Variants in SGSM2 observed in about 807,000 individuals in gnomAD.
The protein encoded by SGSM2 is RUN and TBC1 domain containing 1.
SGSM2 carries 89 observed loss-of-function variants against 126.6 expected under a neutral mutation model. That is an observed-to-expected ratio of 0.70 (90% CI 0.59 to 0.84). The LOEUF is 0.84. SGSM2 is among the 40% of genes least tolerant of loss of function. The pLI is 0.00. For synonymous variants in SGSM2, 614 were observed against 574.3 expected, an observed-to-expected ratio of 1.07 and a Z score of -0.99; for missense variants, 1,404 against 1,416.6, an observed-to-expected ratio of 0.99 and a Z score of 0.14.
chr17:2,369,156 G>C (rs550908630), intron 12 of SGSM2, among the ~76,000 whole-genome samples: 2 of 152,168 alleles, frequency 1.3e-5, no homozygotes, highest in African/African-American at 4.8e-5. Flanking sequence ...GCTGGGGAAT[G>C]GGGGCCCCCC....
rs141888875 is a variant in SGSM2, at chr17:2,337,995, G to T, written c.57+250G>T. Among the ~76,000 whole-genome samples the T allele has an allele frequency of 6.6e-6, 1 of 152,048 alleles. No individual in the cohort carries two copies. Among genetic ancestry groups the T allele is most frequent in the African/African-American group, 2.4e-5 (1 of 41,430 alleles). ...GCCCCGCAGCTCCCCGCCCAGTGAC[G>T]GCAGCGGCGCTGGGAGCCCAAGGCC... On this transcript the variant is annotated intron_variant, in intron 1 of 23. Transcript: ENST00000268989. The surrounding 1 kb of genome is among the most constrained non-coding windows in gnomAD (Gnocchi z 5.1).
chr17:2,362,810 G>A lies in SGSM2; in HGVS notation c.459-28G>A, dbSNP rs778236688. 2.5e-5 allele frequency: 40 copies of A among 1,612,770 alleles called. No homozygotes were observed. Among genetic ancestry groups the A allele is most frequent in the African/African-American group, 4.0e-5 (3 of 74,924 alleles). On this transcript the variant is annotated intron_variant, in intron 4 of 23. Transcript: ENST00000268989. This position sits in a 1 kb window ranked among gnomAD's most constrained non-coding sequence, Gnocchi z 4.9. Reference sequence around the variant, plus strand: ...GCCCTGGAATGAGCCCCGGAGCCTCGGCAGTCACACTGTCTGTCTCCTGGC... The same window carrying A: ...GCCCTGGAATGAGCCCCGGAGCCTCAGCAGTCACACTGTCTGTCTCCTGGC...
In SGSM2 at chr17:2,372,203, C is replaced by T; in HGVS notation, c.1591C>T (p.Leu531=). 1 of 1,613,326 alleles carries T rather than the reference C, an allele frequency of 6.2e-7. No homozygotes were observed. Among genetic ancestry groups the T allele is most frequent in the South Asian group, 1.1e-5 (1 of 91,086 alleles). ...SCIPDRLPLR[L]LCESMKRQIV... ...TTGTTGCCACAGGTTGCCGCTCAGG[C>T]TACTGTGTGAGAGTATGAAGAGGCA... The change falls in exon 14 of 24, where the codon CTA becomes TTA. Residue 531 remains leucine, a synonymous_variant. Transcript: ENST00000268989. The surrounding 1 kb of genome is among the most constrained non-coding windows in gnomAD (Gnocchi z 6.0).
rs557140534 is a variant in SGSM2 at position 2,359,453 on chromosome 17, A to G, written c.134-2184A>G. Among the ~76,000 whole-genome samples the G allele has an allele frequency of 3.9e-5, 6 of 152,130 alleles. No homozygotes were observed. In the South Asian group the frequency reaches 1.2e-3, roughly 32 times the overall value. On this transcript the variant is annotated intron_variant, in intron 2 of 23. Coordinates refer to ENST00000268989, the MANE Select transcript of SGSM2 (RefSeq NM_014853.3). Reference sequence around the variant, plus strand: ...TTAGCTTGGAAAGTCGATGCATGAGAGGGATTTCTCCTTCCCCAGACACTG... The same window carrying G: ...TTAGCTTGGAAAGTCGATGCATGAGGGGGATTTCTCCTTCCCCAGACACTG...
In SGSM2 at chr17:2,372,659, A is replaced by G; in HGVS notation, c.1788+171A>G. The G allele has an allele frequency of 2.0e-6, 2 of 1,003,784 alleles. No individual in the cohort carries two copies. Among genetic ancestry groups the G allele is most frequent in the Admixed American group, 2.8e-5 (1 of 35,952 alleles). 62.2% of individuals were successfully genotyped at this position (1,003,784 alleles called of 1,614,324 possible). ...CAGCTGGGCCTGGGGCTGACACGGGAAGGGGGCTGGACTGGGAAGCCGTCC... is the reference window on the plus strand; with the variant it reads ...CAGCTGGGCCTGGGGCTGACACGGGGAGGGGGCTGGACTGGGAAGCCGTCC... On this transcript the variant is annotated intron_variant, in intron 15 of 23. Coordinates refer to ENST00000268989, the MANE Select transcript of SGSM2 (RefSeq NM_014853.3). The surrounding 1 kb of genome is among the most constrained non-coding windows in gnomAD (Gnocchi z 6.0).
At position 2,367,529 on chromosome 17, in the gene SGSM2, CCCTT is replaced by C. The variant is rs1408990142; in HGVS notation, c.1423+127_1423+130del. ...TAGGGGACTTGCACCCAGGGCAGTTCCCTTCCATCGGGGGCAGATCAGGGAGGGC... is the reference window on the plus strand; with the variant it reads ...TAGGGGACTTGCACCCAGGGCAGTTCCCATCGGGGGCAGATCAGGGAGGGC... On this transcript the variant is annotated intron_variant, in intron 12 of 23. Transcript: ENST00000268989. The surrounding 1 kb of genome is among the most constrained non-coding windows in gnomAD (Gnocchi z 4.0). 19 of 1,121,142 alleles carry C rather than the reference CCCTT, an allele frequency of 1.7e-5. No individual in the cohort carries two copies. Among genetic ancestry groups the C allele is most frequent in the Middle Eastern group, 3.0e-4 (1 of 3,330 alleles). The allele number at this position is 1,121,142 out of a possible 1,614,324, so 69.4% of individuals were successfully genotyped here. A position where few individuals can be genotyped will look rare whatever the true frequency, so the allele number is the denominator to read the frequency against.
At chr17:2,341,425 A>G (rs2064364372) in intron 1 of SGSM2, among the ~76,000 whole-genome samples, 1 of 152,104 alleles carries the variant, frequency 6.6e-6, no homozygotes, top group African/African-American at 2.4e-5. Flanking sequence ...GCATTAATTG[A>G]TCTGATCCCC....
In SGSM2 at chr17:2,372,108, A is replaced by T. The variant is rs551584516; in HGVS notation, c.1578-82A>T. On this transcript the variant is annotated intron_variant, in intron 13 of 23. Coordinates refer to ENST00000268989, the MANE Select transcript of SGSM2 (RefSeq NM_014853.3). The surrounding 1 kb of genome is among the most constrained non-coding windows in gnomAD (Gnocchi z 6.0). ...CTCCCCAGTGCCTTACCTGCCCCCC[A>T]GGACAGAGCCTCCTCCCTTCTCTCT... 8.0e-5 allele frequency: 123 copies of T among 1,539,912 alleles called. 2 individuals are homozygous for T. In the East Asian group the frequency reaches 2.7e-3, roughly 33 times the overall value.
chr17:2,361,178 C>T (rs376132650), intron 2 of SGSM2, among the ~76,000 whole-genome samples: 14 of 152,360 alleles, frequency 9.2e-5, no homozygotes, highest in South Asian at 8.3e-4. Context: ...CGGCCACTGT[C>T]GGGTCCAAGC....
intron 2 of SGSM2, among the ~76,000 whole-genome samples, chr17:2,351,839 AGTCCAGTT>A (rs2064867520): frequency 6.6e-6 from 1 of 152,122 alleles, no homozygotes; most frequent in Non-Finnish European, 1.5e-5. Context: ...TCCCAATCAG[AGTCCAGTT>A]GCGAATGTTG....
Position 2,380,741 on chromosome 17 carries a change from T to A in SGSM2, c.*1221T>A. ...GGCCCTGCCCGGGGCTGGGGCCTAG[T>A]CCAGCAGCCACCAAAGTCTGGCAGA... On this transcript the variant is annotated 3_prime_UTR_variant, in exon 24 of 24. Coordinates refer to ENST00000268989, the MANE Select transcript of SGSM2 (RefSeq NM_014853.3). The A allele has an allele frequency of 4.8e-6, 1 of 208,648 alleles. No homozygotes were observed. Among genetic ancestry groups the A allele is most frequent in the Non-Finnish European group, 9.7e-6 (1 of 103,256 alleles). The allele number at this position is 208,648 out of a possible 1,614,324, so 12.9% of individuals were successfully genotyped here.
intron 2 of SGSM2, among the ~76,000 whole-genome samples, chr17:2,345,794 C>A (rs1364225505): frequency 6.6e-6 from 1 of 152,044 alleles, no homozygotes; most frequent in African/African-American, 2.4e-5. Context: ...GCCAGGGTAT[C>A]TCAGGGCCTA....
chr17:2,354,429 C>G (rs907555788), intron 2 of SGSM2, among the ~76,000 whole-genome samples: 28 of 152,204 alleles, frequency 1.8e-4, no homozygotes, highest in African/African-American at 6.0e-4. Flanking sequence ...TGCAATTATA[C>G]CATTCTGCAT....
chr17:2,351,709 A>G (rs561049706), intron 2 of SGSM2, among the ~76,000 whole-genome samples: 22 of 152,126 alleles, frequency 1.4e-4, no homozygotes, highest in Non-Finnish European at 2.8e-4. Flanking sequence ...AGGTCTACGC[A>G]CCACCACGCT....
rs2064137160 is a variant in SGSM2 at position 2,337,668 on chromosome 17, G to A, written c.-21G>A. 2 of 1,457,444 alleles carry A rather than the reference G, an allele frequency of 1.4e-6. No individual in the cohort carries two copies. Among genetic ancestry groups the A allele is most frequent in the South Asian group, 1.3e-5 (1 of 75,510 alleles). 90.3% of individuals were successfully genotyped at this position (1,457,444 alleles called of 1,614,324 possible). On this transcript the variant is annotated 5_prime_UTR_variant, in exon 1 of 24. Transcript: ENST00000268989. This position sits in a 1 kb window ranked among gnomAD's most constrained non-coding sequence, Gnocchi z 5.1. The stretch of plus-strand genomic sequence containing the variant: ...GGCGCGGGGGCTCTGAGGACCGCTC[G>A]GCGCCGCCTCCTGCCACACCATGGG...
At chr17:2,377,574 G>A (rs980523680) in intron 21 of SGSM2, 1 of 273,170 alleles carries the variant, frequency 3.7e-6, no homozygotes, top group South Asian at 6.1e-5. Context: ...AAGTTCTGGC[G>A]AACAGTAGGG....
At chr17:2,377,235 C>A in intron 21 of SGSM2, 167 bp downstream of exon 21, 1 of 576,688 alleles carries the variant, frequency 1.7e-6, no homozygotes, top group Non-Finnish European at 3.0e-6. Context: ...CCTGTCATCC[C>A]AGCAATTTAG....
chr17:2,348,050 A>C (rs575325863), intron 2 of SGSM2, among the ~76,000 whole-genome samples: 153 of 152,304 alleles, frequency 1.0e-3, no homozygotes, highest in African/African-American at 3.7e-3. Context: ...TAATTCGAGA[A>C]GGGTGGAATC....
Position 2,362,877 on chromosome 17 carries a change from G to A in SGSM2, c.498G>A (p.Val166=). The A allele has an allele frequency of 5.0e-6, 8 of 1,614,188 alleles. No homozygotes were observed. The highest frequency in any genetic ancestry group is 6.8e-6 in the Non-Finnish European group (8 of 1,180,038). The change falls in exon 5 of 24, where the codon GTG becomes GTA. Residue 166 remains valine, a synonymous_variant. Coordinates refer to ENST00000268989, the MANE Select transcript of SGSM2 (RefSeq NM_014853.3). The surrounding 1 kb of genome is among the most constrained non-coding windows in gnomAD (Gnocchi z 4.9). ...AGGAGGCACTGCTGGCAGACCCTGT[G>A]TTCGGCCCGATCCTGGCCTCTCTTC... The part of the protein sequence containing the change: ...YEKEALLADP[V]FGPILASLLV...
Sources: gnomAD v4.1 joint callset for allele counts (sites outside exome capture counted in the v4.1 genomes callset) on GRCh38, gnomAD v4.1.1 for gene constraint, Gnocchi (gnomAD v3.1) non-coding constraint, MANE v1.5 for transcripts, NCBI Gene and HGNC (gene_info 2026-07-23, HGNC 2026-07-21) for gene names.